Variants in CDH1 observed in about 807,000 individuals in gnomAD.
CDH1 encodes the protein cadherin-1.
A neutral mutation model predicts 84.5 loss-of-function variants in CDH1; 35 were observed. The observed-to-expected ratio is 0.41, with a 90% CI of 0.32 to 0.55. The LOEUF is 0.55. Among genes scored for constraint, CDH1 ranks in the 20% least tolerant of loss-of-function variants. CDH1 has a pLI of 0.19. For missense variants in CDH1, 994 were observed against 1,126.6 expected (o/e 0.88, Z 1.68); for synonymous variants, 417 against 439.0 (o/e 0.95, Z 0.63).
rs34751606 is a variant in CDH1 at position 68,829,819 on chromosome 16, C to T, written c.2439+22C>T. On this transcript the variant is annotated intron_variant, in intron 15 of 15. Transcript: ENST00000261769. Reference sequence around the variant, plus strand: ...TGAAGTAAGTAATCCACGTGGAAAGCCAAAGCATGGCTCATCTCTAAGCTC... The same window carrying T: ...TGAAGTAAGTAATCCACGTGGAAAGTCAAAGCATGGCTCATCTCTAAGCTC... 6.2e-4 allele frequency: 997 copies of T among 1,611,610 alleles called. 8 individuals carry two copies. In the African/African-American group the frequency reaches 0.012, roughly 20 times the overall value.
chr16:68,831,388 A>T, intron 15 of CDH1, among the ~76,000 whole-genome samples: 1 of 149,674 alleles, frequency 6.7e-6, no homozygotes, highest in East Asian at 2.0e-4. Context: ...CCACGCCCGG[A>T]CTGCTTTAGC....
intron 2 of CDH1, among the ~76,000 whole-genome samples, chr16:68,777,932 A>G (rs939749484): frequency 6.6e-6 from 1 of 152,132 alleles, no homozygotes; most frequent in Non-Finnish European, 1.5e-5. Flanking sequence ...GGGTTTTGCC[A>G]TGTTGGCCAG....
intron 2 of CDH1, among the ~76,000 whole-genome samples, chr16:68,758,954 C>A (rs1202948307): frequency 6.6e-6 from 1 of 151,928 alleles, no homozygotes; most frequent in East Asian, 1.9e-4. Context: ...TGCCACCATG[C>A]CTGGCTAATT....
chr16:68,803,176 G>A (rs562680392), intron 3 of CDH1, among the ~76,000 whole-genome samples: 1 of 152,170 alleles, frequency 6.6e-6, no homozygotes, highest in African/African-American at 2.4e-5. Flanking sequence ...TTCTTTTCTC[G>A]CTGAAGACTC....
At chr16:68,768,289 G>T (rs1959447912) in intron 2 of CDH1, among the ~76,000 whole-genome samples, 1 of 152,214 alleles carries the variant, frequency 6.6e-6, no homozygotes, top group South Asian at 2.1e-4. Flanking sequence ...AAGAAGGTTG[G>T]ATAGTGATGT....
chr16:68,817,339 A>G (rs959856181), intron 10 of CDH1, among the ~76,000 whole-genome samples: 13 of 152,322 alleles, frequency 8.5e-5, no homozygotes, highest in African/African-American at 2.6e-4. Flanking sequence ...GAACTACTGT[A>G]TTGTTTGGGG....
chr16:68,752,903 T>C (rs1962920375), intron 2 of CDH1, among the ~76,000 whole-genome samples: 1 of 152,140 alleles, frequency 6.6e-6, no homozygotes, highest in Non-Finnish European at 1.5e-5. Flanking sequence ...TGAGCAAGGC[T>C]CTCAGATACA....
At position 68,737,305 on chromosome 16, in the gene CDH1, C is replaced by G. The variant is rs574467384; in HGVS notation, c.-111C>G. ...GCACCCCCTCTCAGTGGCGTCGGAA[C>G]TGCAAAGCACCTGTGAGCTTGCGGA... On this transcript the variant is annotated 5_prime_UTR_variant, in exon 1 of 16. Coordinates refer to ENST00000261769, the MANE Select transcript of CDH1 (RefSeq NM_004360.5). The G allele has an allele frequency of 2.2e-6, 2 of 893,364 alleles. No homozygotes were observed. Among genetic ancestry groups the G allele is most frequent in the South Asian group, 3.3e-5 (2 of 60,866 alleles). The allele number at this position is 893,364 out of a possible 1,614,324, so 55.3% of individuals were successfully genotyped here. A position where few individuals can be genotyped will look rare whatever the true frequency, so the allele number is the denominator to read the frequency against.
At chr16:68,752,972 C>G (rs778581099) in intron 2 of CDH1, among the ~76,000 whole-genome samples, 1 of 152,154 alleles carries the variant, frequency 6.6e-6, no homozygotes, top group Non-Finnish European at 1.5e-5. Context: ...TGTTCAAGAA[C>G]CGATGTCTGT....
chr16:68,824,791 G>A (rs896825840), intron 13 of CDH1, among the ~76,000 whole-genome samples: 5 of 152,204 alleles, frequency 3.3e-5, no homozygotes, highest in African/African-American at 9.7e-5. Context: ...TACACACAGG[G>A]AGAAAGTACT....
intron 2 of CDH1, among the ~76,000 whole-genome samples, chr16:68,786,173 CT>C (rs375979692): frequency 2.7e-3 from 408 of 150,980 alleles, no homozygotes; most frequent in African/African-American, 9.4e-3. Flanking sequence ...ACTTGGAATT[CT>C]TTTTTTTTCA....
chr16:68,746,241 T>C (rs1028412277), intron 2 of CDH1, among the ~76,000 whole-genome samples: 1 of 152,050 alleles, frequency 6.6e-6, no homozygotes, highest in Non-Finnish European at 1.5e-5. Context: ...TTGACCAACG[T>C]GGTGAAACCC....
At chr16:68,804,365 G>C (rs546226007) in intron 3 of CDH1, among the ~76,000 whole-genome samples, 1 of 151,568 alleles carries the variant, frequency 6.6e-6, no homozygotes, top group Admixed American at 6.6e-5. Context: ...CACCTGCCTC[G>C]GCCTCCTAAA....
chr16:68,785,537 A>G (rs993811304), intron 2 of CDH1, among the ~76,000 whole-genome samples: 5 of 152,086 alleles, frequency 3.3e-5, no homozygotes, highest in Non-Finnish European at 7.3e-5. Flanking sequence ...GCTGTTGTGC[A>G]GTCGTGGCTC....
At chr16:68,787,438 C>G (rs1960084974) in intron 2 of CDH1, among the ~76,000 whole-genome samples, 1 of 152,110 alleles carries the variant, frequency 6.6e-6, no homozygotes, top group South Asian at 2.1e-4. Flanking sequence ...TCACAGTGCC[C>G]ACACGTAATG....
rs188701227 is a variant in CDH1, at chr16:68,772,080, C to T, written c.164-29590C>T. Among the ~76,000 whole-genome samples the T allele has an allele frequency of 5.3e-5, 8 of 152,292 alleles. No homozygotes were observed. In the East Asian group the frequency reaches 5.8e-4, roughly 11 times the overall value. On this transcript the variant is annotated intron_variant, in intron 2 of 15. Coordinates refer to ENST00000261769, the MANE Select transcript of CDH1 (RefSeq NM_004360.5). Reference sequence around the variant, plus strand: ...GTGGATCTGGGGCTTGAACTTGGGTCGTCTGACCTCTGACCTGGGGCTCTC... The same window carrying T: ...GTGGATCTGGGGCTTGAACTTGGGTTGTCTGACCTCTGACCTGGGGCTCTC...
intron 3 of CDH1, among the ~76,000 whole-genome samples, chr16:68,802,470 T>TTCTC (rs988972205): frequency 6.6e-6 from 1 of 151,844 alleles, no homozygotes; most frequent in African/African-American, 2.4e-5. Flanking sequence ...AGCTGGATTC[T>TTCTC]TCTCTCTCTC....
At chr16:68,752,231 C>T (rs376732294) in intron 2 of CDH1, among the ~76,000 whole-genome samples, 8 of 152,288 alleles carry the variant, frequency 5.3e-5, no homozygotes, top group Middle Eastern at 3.4e-3. Context: ...CGATTACAGG[C>T]GTGAGCCACC....
At chr16:68,773,184 T>C (rs8045022) in intron 2 of CDH1, among the ~76,000 whole-genome samples, 44,477 of 151,826 alleles carry the variant, frequency 0.29, 6,550 homozygotes, top group Middle Eastern at 0.34. Flanking sequence ...GTGTTTTGTG[T>C]GTTCCCGTGC....
Sources: allele counts gnomAD v4.1 joint callset (sites outside exome capture counted in the v4.1 genomes callset), GRCh38; gene constraint gnomAD v4.1.1; transcripts MANE v1.5; gene names NCBI Gene and HGNC (gene_info 2026-07-23, HGNC 2026-07-21).